NRXN3: variants seen among roughly 807,000 people sequenced by gnomAD.
NRXN3 encodes the protein neurexin III.
A neutral mutation model predicts 137.6 loss-of-function variants in NRXN3; 32 were observed. The observed-to-expected ratio is 0.23, with a 90% CI of 0.18 to 0.31. The LOEUF is 0.31. Among genes scored for constraint, NRXN3 ranks in the 10% least tolerant of loss-of-function variants. The pLI is 1.00. For synonymous variants in NRXN3, 798 were observed against 784.5 expected (o/e 1.02, Z -0.29); for missense variants, 1,574 against 2,062.5 (o/e 0.76, Z 4.59).
chr14:78,940,670 A>G (rs926865724), intron 10 of NRXN3, among the ~76,000 whole-genome samples: 2 of 152,240 alleles, frequency 1.3e-5, no homozygotes, highest in Non-Finnish European at 2.9e-5. Context: ...AATGATTTTT[A>G]TAATTGTCAT....
intron 15 of NRXN3, among the ~76,000 whole-genome samples, chr14:79,024,616 G>A (rs1353574721): frequency 6.6e-6 from 1 of 152,096 alleles, no homozygotes; most frequent in African/African-American, 2.4e-5. Flanking sequence ...TTTTAGTGCA[G>A]GAATGTTGGT....
At chr14:79,704,943 G>A (rs1044687463) in intron 19 of NRXN3, among the ~76,000 whole-genome samples, 32 of 152,154 alleles carry the variant, frequency 2.1e-4, no homozygotes, top group African/African-American at 7.2e-4. Context: ...AAAGAGTGCA[G>A]TGTAGTTTGT....
At chr14:78,396,272 C>G (rs2091446919) in intron 4 of NRXN3, among the ~76,000 whole-genome samples, 1 of 152,078 alleles carries the variant, frequency 6.6e-6, no homozygotes, top group African/African-American at 2.4e-5. Context: ...CTTTATGACT[C>G]TTTACCCTCC....
chr14:79,326,904 T>A (rs2090965757), intron 15 of NRXN3, among the ~76,000 whole-genome samples: 1 of 152,244 alleles, frequency 6.6e-6, no homozygotes, highest in Admixed American at 6.5e-5. Context: ...TGACTGTACC[T>A]GCTCCTGATG....
intron 15 of NRXN3, among the ~76,000 whole-genome samples, chr14:79,432,709 A>G (rs961137500): frequency 6.6e-6 from 1 of 152,196 alleles, no homozygotes; most frequent in Non-Finnish European, 1.5e-5. Context: ...TGAAAATTCT[A>G]AACTGTGAGC....
At chr14:78,627,109 T>C (rs2097469693) in intron 4 of NRXN3, among the ~76,000 whole-genome samples, 2 of 49,018 alleles carry the variant, frequency 4.1e-5, no homozygotes, top group Non-Finnish European at 6.7e-5. Context: ...CTCCCTTCTC[T>C]CTCTCTCTCT....
At chr14:79,273,176 A>AAAAT (rs1330940378) in intron 15 of NRXN3, among the ~76,000 whole-genome samples, 1 of 147,584 alleles carries the variant, frequency 6.8e-6, no homozygotes, top group African/African-American at 2.5e-5. Flanking sequence ...TGTGGCCAAA[A>AAAAT]AAAAAAAAAA....
At chr14:79,848,293 G>A (rs1188654480) in intron 20 of NRXN3, among the ~76,000 whole-genome samples, 1 of 152,172 alleles carries the variant, frequency 6.6e-6, no homozygotes, top group African/African-American at 2.4e-5. Context: ...GCCACTGTGT[G>A]GAATTTAGGA....
At chr14:78,882,256 C>T (rs183245151) in intron 10 of NRXN3, among the ~76,000 whole-genome samples, 128 of 151,864 alleles carry the variant, frequency 8.4e-4, no homozygotes, top group Non-Finnish European at 1.5e-3. Flanking sequence ...GGAGCCCCCA[C>T]ACGGAGTCCC....
chr14:79,234,542 G>C (rs112236167), intron 15 of NRXN3, among the ~76,000 whole-genome samples: 1 of 150,142 alleles, frequency 6.7e-6, no homozygotes, highest in African/African-American at 2.5e-5. Flanking sequence ...CTGCCATCAC[G>C]CCTGGCTAAG....
At chr14:78,248,174 A>T (rs2067973790) in intron 2 of NRXN3, among the ~76,000 whole-genome samples, 1 of 152,002 alleles carries the variant, frequency 6.6e-6, no homozygotes, top group Non-Finnish European at 1.5e-5. Context: ...CTCGATACTT[A>T]GCTGTTATGT....
chr14:78,414,135 C>G (rs2092998283), intron 4 of NRXN3, among the ~76,000 whole-genome samples: 1 of 152,132 alleles, frequency 6.6e-6, no homozygotes, highest in Non-Finnish European at 1.5e-5. Flanking sequence ...TATAAATTAC[C>G]CAGTCTTGGG....
intron 2 of NRXN3, among the ~76,000 whole-genome samples, chr14:78,271,806 T>A (rs900164761): frequency 1.3e-5 from 2 of 152,208 alleles, no homozygotes; most frequent in African/African-American, 4.8e-5. Context: ...CTCAGTCCTC[T>A]ATGAAGGTAG....
At chr14:79,562,425 T>G (rs1193086896) in intron 16 of NRXN3, among the ~76,000 whole-genome samples, 1 of 152,148 alleles carries the variant, frequency 6.6e-6, no homozygotes, top group Non-Finnish European at 1.5e-5. Flanking sequence ...AGACGATACT[T>G]AGATCATTGA....
chr14:78,965,903 A>G, intron 11 of NRXN3, 122 bp from the exon 12 acceptor site: 7 of 1,132,600 alleles, frequency 6.2e-6, no homozygotes, highest in Non-Finnish European at 7.6e-6. Flanking sequence ...GGTTTTCTTG[A>G]ACTCACCCAA....
At chr14:78,513,896 A>G (rs1353922123) in intron 4 of NRXN3, among the ~76,000 whole-genome samples, 1 of 151,888 alleles carries the variant, frequency 6.6e-6, no homozygotes, top group Non-Finnish European at 1.5e-5. Flanking sequence ...TAACTAGTCT[A>G]CCTCTGTATG....
At chr14:79,273,045 G>A (rs1047594195) in intron 15 of NRXN3, among the ~76,000 whole-genome samples, 2 of 151,676 alleles carry the variant, frequency 1.3e-5, no homozygotes, top group East Asian at 2.0e-4. Flanking sequence ...GGTGGCTTGC[G>A]CCTGTAATTC....
intron 8 of NRXN3, among the ~76,000 whole-genome samples, chr14:78,756,142 G>A (rs1426807486): frequency 2.6e-5 from 4 of 152,250 alleles, no homozygotes; most frequent in South Asian, 4.2e-4. Context: ...TGTATTTTGT[G>A]TGGAAAGTAT....
chr14:78,604,073 C>T (rs1213772170), intron 4 of NRXN3, among the ~76,000 whole-genome samples: 2 of 152,140 alleles, frequency 1.3e-5, no homozygotes, highest in African/African-American at 4.8e-5. Context: ...TACACGGAGG[C>T]AGGCTAGAGA....
Sources: gnomAD v4.1 joint callset for allele counts (sites outside exome capture counted in the v4.1 genomes callset) on GRCh38, gnomAD v4.1.1 for gene constraint, MANE v1.5 for transcripts, NCBI Gene and HGNC (gene_info 2026-07-23, HGNC 2026-07-21) for gene names.